The following PCDHA4 variants were observed in gnomAD, a reference collection of about 807,000 sequenced individuals.
PCDHA4 encodes the protein protocadherin alpha-4.
In PCDHA4, 49 loss-of-function variants were observed where a neutral mutation model predicts 61.4. The observed-to-expected ratio is 0.80, with a 90% CI of 0.63 to 1.01. The LOEUF is 1.01. Ranked by LOEUF, PCDHA4 falls within the 50% of genes least tolerant of loss-of-function variation. The pLI is 0.00. For missense variants in PCDHA4, 1,254 were observed against 1,235.8 expected, an observed-to-expected ratio of 1.01 and a Z score of -0.22; for synonymous variants, 590 against 550.3, an observed-to-expected ratio of 1.07 and a Z score of -1.01.
rs781875497 is a variant in PCDHA4 at position 140,995,949 on chromosome 5, G to A, written c.2533+13386G>A. Among the ~76,000 whole-genome samples, 8 of 152,160 alleles carry A rather than the reference G, an allele frequency of 5.3e-5. No homozygotes were observed. In the East Asian group the frequency reaches 7.7e-4, roughly 15 times the overall value. ...GTAAGTATTAAATGACATAATGCACGCAAAATGCTTAGAACCATGCTTAGT... is the reference window on the plus strand; with the variant it reads ...GTAAGTATTAAATGACATAATGCACACAAAATGCTTAGAACCATGCTTAGT... On this transcript the variant is annotated intron_variant, in intron 3 of 3. Transcript: ENST00000530339.
chr5:140,981,694 A>C (rs1407083166), intron 2 of PCDHA4, among the ~76,000 whole-genome samples: 1 of 151,154 alleles, frequency 6.6e-6, no homozygotes, highest in Non-Finnish European at 1.5e-5. Context: ...TCCATCATTC[A>C]TTCATTCATT....
At chr5:140,871,053 G>A in intron 1 of PCDHA4, 1 of 1,613,334 alleles carries the variant, frequency 6.2e-7, no homozygotes, top group East Asian at 2.2e-5. Flanking sequence ...TAGTACTGGT[G>A]AAGGATCACG....
At chr5:140,860,679 T>C (rs1465789150) in intron 1 of PCDHA4, 1 of 152,238 alleles carries the variant, frequency 6.6e-6, no homozygotes, top group Non-Finnish European at 1.5e-5. Flanking sequence ...AATGCACTTA[T>C]GTTTTGAGCG....
chr5:140,828,617 G>A lies in PCDHA4; in HGVS notation c.2385+19045G>A, dbSNP rs2150157424. On this transcript the variant is annotated intron_variant, in intron 1 of 3. Transcript: ENST00000530339. ...CTTAACCTATAAACTCAGTTCTAGCGAATACTTCGGGCTAGATGTGAAAAT... is the reference window on the plus strand; with the variant it reads ...CTTAACCTATAAACTCAGTTCTAGCAAATACTTCGGGCTAGATGTGAAAAT... 3.1e-6 allele frequency: 5 copies of A among 1,614,158 alleles called. No individual in the cohort carries two copies. In the South Asian group the frequency reaches 5.5e-5, roughly 18 times the overall value.
rs142471747 is a variant in PCDHA4 at position 140,940,002 on chromosome 5, C to T, written c.2386-38947C>T. On this transcript the variant is annotated intron_variant, in intron 1 of 3. Transcript: ENST00000530339. ...TGAATTGTTTCTCCTTGGATTTTGT[C>T]AATTTTTTGTGTCATATGTTTTAAG... Among the ~76,000 whole-genome samples the T allele has an allele frequency of 5.4e-3, 828 of 152,138 alleles. 3 individuals carry two copies. The highest frequency in any genetic ancestry group is 0.019 in the African/African-American group (797 of 41,516).
chr5:140,808,716 T>A lies in PCDHA4; in HGVS notation c.1529T>A (p.Val510Glu). Residue 510 changes from valine (V) to glutamate (E), a missense_variant, in exon 1 of 4, where the codon GTG becomes GAG. By Grantham distance (121) the Val-to-Glu change is moderately radical. Transcript: ENST00000530339. ...GERALSSYVS[V>E]HAESGKVYAL... The stretch of plus-strand genomic sequence containing the variant: ...CGCGCGCTGTCGAGCTACGTTTCGG[T>A]GCATGCGGAGAGCGGCAAGGTGTAC... 1 of 1,611,966 alleles carries A rather than the reference T, an allele frequency of 6.2e-7. No individual in the cohort carries two copies. Among genetic ancestry groups the A allele is most frequent in the East Asian group, 2.2e-5 (1 of 44,822 alleles).
At position 140,926,291 on chromosome 5, in the gene PCDHA4, G is replaced by A. The variant is rs545188065; in HGVS notation, c.2386-52658G>A. 3.9e-5 allele frequency: 6 copies of A among 152,438 alleles called. No individual in the cohort carries two copies. The South Asian group carries it at 1.0e-3, about 26-fold the overall frequency. 9.4% of individuals were successfully genotyped at this position (152,438 alleles called of 1,614,324 possible). A position where few individuals can be genotyped will look rare whatever the true frequency, so the allele number is the denominator to read the frequency against. ...CCTCCGCTCGGCAGCTCCACGCTGA[G>A]TCCCGCCCTCTCCGCCGGAGAGGTG... On this transcript the variant is annotated intron_variant, in intron 1 of 3. Transcript: ENST00000530339.
chr5:140,872,610 T>G (rs1270918795), intron 1 of PCDHA4, among the ~76,000 whole-genome samples: 3 of 152,146 alleles, frequency 2.0e-5, no homozygotes, highest in Non-Finnish European at 4.4e-5. Flanking sequence ...AAAATAATTT[T>G]TTTTGCCTGT....
intron 3 of PCDHA4, among the ~76,000 whole-genome samples, chr5:140,983,034 C>G (rs923296416): frequency 2.6e-5 from 4 of 151,944 alleles, no homozygotes; most frequent in Non-Finnish European, 5.9e-5. Context: ...GATGGTTTCT[C>G]ATGGAAGTGG....
At chr5:140,928,656 T>C in intron 1 of PCDHA4, 1 of 1,614,232 alleles carries the variant, frequency 6.2e-7, no homozygotes, top group Middle Eastern at 1.6e-4. Flanking sequence ...CAGAGGATGC[T>C]GACAGTGGTT....
chr5:140,869,432 T>C (rs1562628312), intron 1 of PCDHA4: 3 of 1,614,192 alleles, frequency 1.9e-6, no homozygotes, highest in Non-Finnish European at 2.5e-6. Context: ...GAGGTGATCG[T>C]GGACAGGCCG....
chr5:140,869,182 G>A (rs2050897144), intron 1 of PCDHA4: 2 of 1,613,976 alleles, frequency 1.2e-6, no homozygotes, highest in East Asian at 2.2e-5. Flanking sequence ...CTGGGAGGTG[G>A]GGAGCGGCCA....
chr5:140,921,779 T>C (rs1584242105), intron 1 of PCDHA4, among the ~76,000 whole-genome samples: 2 of 152,246 alleles, frequency 1.3e-5, no homozygotes, highest in East Asian at 3.9e-4. Context: ...AATACTGACT[T>C]GGATGTTCTA....
chr5:140,883,762 G>T, intron 1 of PCDHA4: 3 of 1,612,794 alleles, frequency 1.9e-6, no homozygotes, highest in Non-Finnish European at 2.5e-6. Context: ...TGGAGCGGCG[G>T]GTGGGCGAGC....
At chr5:140,940,809 C>G (rs1308338406) in intron 1 of PCDHA4, among the ~76,000 whole-genome samples, 1 of 152,118 alleles carries the variant, frequency 6.6e-6, no homozygotes, top group Admixed American at 6.5e-5. Flanking sequence ...GCCAGGATAT[C>G]CTGAGATCTT....
At chr5:140,881,953 T>G in intron 1 of PCDHA4, 1 of 335,146 alleles carries the variant, frequency 3.0e-6, no homozygotes, top group Non-Finnish European at 5.4e-6. Context: ...AAGGTAAACA[T>G]TTAATCTTCA....
chr5:140,974,994 A>C (rs901871984), intron 1 of PCDHA4, among the ~76,000 whole-genome samples: 8 of 152,126 alleles, frequency 5.3e-5, no homozygotes, highest in African/African-American at 1.9e-4. Flanking sequence ...AGGTATTCTC[A>C]AGGCTGAAAT....
Position 140,843,144 on chromosome 5 carries a change from C to T in PCDHA4, c.2385+33572C>T, listed in dbSNP as rs1554139783. ...GACTCGGGCTACAACGCGTGGCTTT[C>T]GTATGAGCTGCAGCCAGCTGCAAGC... On this transcript the variant is annotated intron_variant, in intron 1 of 3. Transcript: ENST00000530339. The T allele has an allele frequency of 2.4e-5, 39 of 1,596,036 alleles. 4 individuals are homozygous for T. Among genetic ancestry groups the T allele is most frequent in the Non-Finnish European group, 3.3e-5 (39 of 1,165,590 alleles).
chr5:140,853,897 G>T lies in PCDHA4; in HGVS notation c.2385+44325G>T, dbSNP rs1222195078. Reference sequence around the variant, plus strand: ...AGTTTCTGTAATTTAAAAAGATGTGGTGGCCTGACACCTGCAATCCCAACA... The same window carrying T: ...AGTTTCTGTAATTTAAAAAGATGTGTTGGCCTGACACCTGCAATCCCAACA... On this transcript the variant is annotated intron_variant, in intron 1 of 3. Coordinates refer to ENST00000530339, the MANE Select transcript of PCDHA4 (RefSeq NM_018907.4). 24 of 967,496 alleles carry T rather than the reference G, an allele frequency of 2.5e-5. 1 individual carries two copies. In the African/African-American group the frequency reaches 4.3e-4, roughly 17 times the overall value. The allele number at this position is 967,496 out of a possible 1,614,324, so 59.9% of individuals were successfully genotyped here.
Sources: gnomAD v4.1 joint callset for allele counts (sites outside exome capture counted in the v4.1 genomes callset) on GRCh38, gnomAD v4.1.1 for gene constraint, MANE v1.5 for transcripts, NCBI Gene and HGNC (gene_info 2026-07-23, HGNC 2026-07-21) for gene names.